ARMCX4: variants seen among roughly 807,000 people sequenced by gnomAD.
ARMCX4 encodes armadillo repeat-containing X-linked protein 4.
A neutral mutation model predicts 34.7 loss-of-function variants in ARMCX4; 3 were observed. The observed-to-expected ratio is 0.09, with a 90% confidence interval of 0.04 to 0.22. The LOEUF (loss-of-function observed/expected upper bound fraction) is 0.22. ARMCX4 is among the 10% of genes least tolerant of loss of function. ARMCX4 has a pLI of 1.00. For missense variants in ARMCX4, 1,448 were observed against 1,720.8 expected (o/e 0.84, Z 2.81); for synonymous variants, 513 against 632.8 (o/e 0.81, Z 2.84).
Position 101,494,297 on chromosome X carries a change from T to C in ARMCX4, c.5708T>C (p.Leu1903Ser), listed in dbSNP as rs1556011161. ...ATTGAGGAGATCAGTTTAAGGTCTT[T>C]GTTTTGGGCTGAGAGTGAGAACAGT... Reference protein sequence around the residue: ...PDIEEISLRSLFWAESENSNT... With the variant: ...PDIEEISLRSSFWAESENSNT... Residue 1903 changes from leucine (L) to serine (S), a missense_variant, in exon 6 of 6, where the codon TTG becomes TCG. Leu to Ser is a moderately radical substitution (Grantham distance 145, BLOSUM62 -2). Coordinates refer to ENST00000423738, the MANE Select transcript of ARMCX4 (RefSeq NM_001256155.3). The C allele has an allele frequency of 1.7e-6, 2 of 1,155,050 alleles. No homozygotes were observed. The highest frequency in any genetic ancestry group is 2.6e-5 in the Admixed American group (1 of 38,653).
chrX:101,520,929 C>G (rs1365536091), intron 11 of ARMCX4, among the ~76,000 whole-genome samples: 2 of 94,773 alleles, frequency 2.1e-5, no homozygotes, highest in Non-Finnish European at 4.3e-5. Flanking sequence ...AATTAAATGT[C>G]TTTTTTTTTT....
chrX:101,492,854 G>T lies in ARMCX4; in HGVS notation c.4265G>T (p.Ser1422Ile), dbSNP rs1371678794. 5 of 1,155,835 alleles carry T rather than the reference G, an allele frequency of 4.3e-6. No homozygotes were observed. In the African/African-American group the frequency reaches 7.1e-5, roughly 16 times the overall value. ...GSKVGPEDQS[S>I]GRSWANSGDQ... ...AAGGTGGGGCCTGAAGACCAGTCCA[G>T]TGGAAGGTCATGGGCTAACTCTGGG... Residue 1422 changes from serine to isoleucine, a missense_variant, in exon 6 of 6, where the codon AGT becomes ATT. Physicochemically the swap from Ser to Ile is moderately radical, Grantham distance 142 (BLOSUM62 -2). Coordinates refer to ENST00000423738, the MANE Select transcript of ARMCX4 (RefSeq NM_001256155.3).
chrX:101,497,381 C>T (rs1205417802), downstream of ARMCX4, among the ~76,000 whole-genome samples: 12 of 110,042 alleles, frequency 1.1e-4, no homozygotes, highest in Admixed American at 4.8e-4. Flanking sequence ...GGATTACAGG[C>T]GCCTGCCACC....
chrX:101,438,714 C>G (rs1310942076), intron 2 of ARMCX4, among the ~76,000 whole-genome samples: 1 of 111,816 alleles, frequency 8.9e-6, no homozygotes. Context: ...GATACCTTTA[C>G]CATTATGTAA....
chrX:101,523,317 C>T (rs1400000960), intron 11 of ARMCX4, among the ~76,000 whole-genome samples: 1 of 111,836 alleles, frequency 8.9e-6, no homozygotes, highest in African/African-American at 3.3e-5. Context: ...GGAGCAATCA[C>T]AGAAGGATCC....
rs1414875772 is a variant in ARMCX4, at chrX:101,488,866, G to T, written c.277G>T (p.Ala93Ser). The part of the protein sequence containing the change: ...PRAEVETKAT[A>S]IAIHRANSQA... ...GGCTGAAGTAGAGACCAAGGCCACT[G>T]CTATAGCCATACACAGAGCCAACTC... The change falls in exon 6 of 6, where the codon GCT becomes TCT. Residue 93 changes from alanine to serine, a missense_variant. Physicochemically the swap from Ala to Ser is moderately conservative, Grantham distance 99 (BLOSUM62 1). Coordinates refer to ENST00000423738, the MANE Select transcript of ARMCX4 (RefSeq NM_001256155.3). 8.7e-7 allele frequency: 1 copy of T among 1,154,011 alleles called. No homozygotes were observed. Among genetic ancestry groups the T allele is most frequent in the African/African-American group, 1.8e-5 (1 of 55,754 alleles).
At chrX:101,528,929 G>A (rs966962192) in intron 11 of ARMCX4, among the ~76,000 whole-genome samples, 15 of 111,357 alleles carry the variant, frequency 1.3e-4, no homozygotes, top group South Asian at 3.8e-4. Context: ...TATAGATTCA[G>A]TGCCATCCCC....
At chrX:101,432,987 C>CATACACGTGTATATACACACAT (rs1555992802) in intron 2 of ARMCX4, among the ~76,000 whole-genome samples, 1 of 39,582 alleles carries the variant, frequency 2.5e-5, no homozygotes, top group Non-Finnish European at 6.8e-5. Flanking sequence ...TATATACACA[C>CATACACGTGTATATACACACAT]ATGTATACAT....
chrX:101,442,403 A>G (rs1313154855), intron 2 of ARMCX4, among the ~76,000 whole-genome samples: 1 of 111,357 alleles, frequency 9.0e-6, no homozygotes, highest in African/African-American at 3.3e-5. Flanking sequence ...GTACAGCACA[A>G]GACTCCACTG....
chrX:101,435,480 A>G (rs1330517687), intron 2 of ARMCX4, among the ~76,000 whole-genome samples: 1 of 110,631 alleles, frequency 9.0e-6, no homozygotes, highest in African/African-American at 3.3e-5. Context: ...CTTTTTGATG[A>G]GGTTGTTTGA....
rs1173862868 is a variant in ARMCX4, at chrX:101,490,866, G to T, written c.2277G>T (p.Glu759Asp). The T allele has an allele frequency of 8.7e-7, 1 of 1,149,910 alleles. No individual in the cohort carries two copies. Among genetic ancestry groups the T allele is most frequent in the African/African-American group, 1.8e-5 (1 of 54,764 alleles). 94.8% of individuals were successfully genotyped at this position (1,149,910 alleles called of 1,213,427 possible). ...AGGCTGTGGCCAATTCTCAGGGTGAGGTCTTGCCTGGTGCCAAAAATAAGG... is the reference window on the plus strand; with the variant it reads ...AGGCTGTGGCCAATTCTCAGGGTGATGTCTTGCCTGGTGCCAAAAATAAGG... Reference protein sequence around the residue: ...RLQAVANSQGEVLPGAKNKVK... With the variant: ...RLQAVANSQGDVLPGAKNKVK... The change falls in exon 6 of 6, where the codon GAG becomes GAT. Residue 759 changes from glutamate (E) to aspartate (D), a missense_variant. Around this residue, in one of 2 missense-constraint regions of ARMCX4, gnomAD observed 1,343 missense variants for 1,540.7 expected, o/e 0.87. Coordinates refer to ENST00000423738, the MANE Select transcript of ARMCX4 (RefSeq NM_001256155.3).
In ARMCX4 at chrX:101,492,971, C is replaced by T. The variant is rs1556010122; in HGVS notation, c.4382C>T (p.Pro1461Leu). 1 of 1,153,464 alleles carries T rather than the reference C, an allele frequency of 8.7e-7. No individual in the cohort carries two copies. The highest frequency in any genetic ancestry group is 1.1e-6 in the Non-Finnish European group (1 of 871,801). The change falls in exon 6 of 6, where the codon CCA becomes CTA. Residue 1461 changes from proline to leucine, a missense_variant. Around this residue, in one of 2 missense-constraint regions of ARMCX4, gnomAD observed 1,343 missense variants for 1,540.7 expected, o/e 0.87. Coordinates refer to ENST00000423738, the MANE Select transcript of ARMCX4 (RefSeq NM_001256155.3). The part of the protein sequence containing the change: ...TGAGHPASVG[P>L]KPIFEDQVSG... ...GCTGGGCATCCAGCTAGTGTTGGGC[C>T]AAAGCCTATATTTGAGGATCAGGTC...
At chrX:101,447,863 A>G (rs896678907), downstream of ARMCX4, 44 of 111,064 alleles carry the variant, frequency 4.0e-4, 2 homozygotes, top group Admixed American at 9.6e-5. Flanking sequence ...TCTTTTAGTT[A>G]TTATTAAAAT....
chrX:101,433,023 T>C (rs1182061344), intron 2 of ARMCX4, among the ~76,000 whole-genome samples: 1 of 81,235 alleles, frequency 1.2e-5, no homozygotes, highest in Non-Finnish European at 2.7e-5. Flanking sequence ...CACATATGTA[T>C]ACATACACGT....
At chrX:101,432,014 G>C (rs1930060056) in intron 2 of ARMCX4, among the ~76,000 whole-genome samples, 1 of 112,243 alleles carries the variant, frequency 8.9e-6, no homozygotes, top group African/African-American at 3.2e-5. Context: ...TGATATTCTG[G>C]CATATTTTCC....
intron 7 of ARMCX4, among the ~76,000 whole-genome samples, chrX:101,502,709 A>AG (rs1460999664): frequency 1.8e-5 from 2 of 110,916 alleles, no homozygotes; most frequent in Non-Finnish European, 3.8e-5. Flanking sequence ...CAGGCATTCA[A>AG]GTGTTCTTTA....
At chrX:101,444,135 G>A (rs1315943255) in exon 3 of ARMCX4, 5 of 283,006 alleles carry the variant, frequency 1.8e-5, no homozygotes, top group Non-Finnish European at 3.4e-5. Context: ...CTCACCATGG[G>A]TGGCGATGTT....
intron 11 of ARMCX4, among the ~76,000 whole-genome samples, chrX:101,512,852 GTATATATGTA>G (rs1301151666): frequency 2.1e-5 from 1 of 47,981 alleles, no homozygotes; most frequent in Admixed American, 1.9e-4. Context: ...GTATATATGT[GTATATATGTA>G]TATATATGTA....
intron 7 of ARMCX4, among the ~76,000 whole-genome samples, chrX:101,504,593 T>G (rs1556014669): frequency 9.0e-6 from 1 of 110,833 alleles, no homozygotes; most frequent in African/African-American, 3.3e-5. Flanking sequence ...CTAAATGTTT[T>G]GGAGAGATAG....
Sources: gnomAD v4.1 joint callset for allele counts (sites outside exome capture counted in the v4.1 genomes callset) on GRCh38, gnomAD v4.1.1 for gene constraint, gnomAD v4.1.1 regional missense constraint, MANE v1.5 for transcripts, NCBI Gene and HGNC (gene_info 2026-07-23, HGNC 2026-07-21) for gene names.